Variants in ACYP2 observed in about 807,000 individuals in gnomAD.
ACYP2 encodes acylphosphatase 2.
A neutral mutation model predicts 11.2 loss-of-function variants in ACYP2; 12 were observed. The ratio of observed to expected loss-of-function variants is 1.08; its 90% CI spans 0.69 to 1.74. ACYP2 has a LOEUF of 1.74. ACYP2 is among the 40% of genes most tolerant of loss of function. The probability of loss-of-function intolerance (pLI) is 0.00; values close to 1 mark genes in which losing one functional copy is unlikely to be tolerated. For synonymous variants in ACYP2, 43 were observed against 32.2 expected (o/e 1.33, Z -1.13); for missense variants, 134 against 101.9 (o/e 1.31, Z -1.35).
chr2:54,208,405 A>C (rs1685170766), intron 6 of ACYP2, among the ~76,000 whole-genome samples: 1 of 152,050 alleles, frequency 6.6e-6, no homozygotes, highest in African/African-American at 2.4e-5. Context: ...TTAGCATAGT[A>C]AATGGAGGTT....
At chr2:54,076,575 T>C (rs563874975) in intron 4 of ACYP2, among the ~76,000 whole-genome samples, 53 of 152,358 alleles carry the variant, frequency 3.5e-4, no homozygotes, top group Non-Finnish European at 6.0e-4. Context: ...AAATATTAAC[T>C]AGTCTAGAAG....
chr2:54,216,145 T>C (rs1329858017), intron 6 of ACYP2, among the ~76,000 whole-genome samples: 1 of 152,214 alleles, frequency 6.6e-6, no homozygotes, highest in Non-Finnish European at 1.5e-5. Context: ...CCCCTGCTAA[T>C]TTAAGATGCT....
intron 3 of ACYP2, among the ~76,000 whole-genome samples, chr2:54,053,392 T>C (rs528262924): frequency 6.6e-6 from 1 of 152,250 alleles, no homozygotes; most frequent in South Asian, 2.1e-4. Flanking sequence ...CCTCCCCAGC[T>C]CTCAGTCCCA....
At chr2:54,280,727 A>C (rs2104115209) in intron 6 of ACYP2, among the ~76,000 whole-genome samples, 1 of 152,344 alleles carries the variant, frequency 6.6e-6, no homozygotes, top group South Asian at 2.1e-4. Flanking sequence ...GAGCCGTTTT[A>C]GTGGAGGAGT....
intron 6 of ACYP2, among the ~76,000 whole-genome samples, chr2:54,185,872 T>C (rs1316059402): frequency 6.6e-6 from 1 of 152,042 alleles, no homozygotes; most frequent in African/African-American, 2.4e-5. Context: ...TGTAGGATCG[T>C]CTTGAAGTAT....
intron 2 of ACYP2, among the ~76,000 whole-genome samples, chr2:53,992,022 C>G (rs910881812): frequency 6.6e-5 from 10 of 151,910 alleles, no homozygotes; most frequent in African/African-American, 2.4e-4. Context: ...TCTTGCCCCT[C>G]TTTCCCTCCT....
intron 4 of ACYP2, among the ~76,000 whole-genome samples, chr2:54,093,250 A>T (rs1186272855): frequency 6.6e-6 from 1 of 152,228 alleles, no homozygotes; most frequent in African/African-American, 2.4e-5. Flanking sequence ...ATAAAAATCA[A>T]TATGTAAAGG....
intron 2 of ACYP2, among the ~76,000 whole-genome samples, chr2:53,991,210 G>T (rs1672276200): frequency 6.6e-6 from 1 of 152,172 alleles, no homozygotes; most frequent in Non-Finnish European, 1.5e-5. Context: ...AAATGTTGCT[G>T]AGTAGCATTC....
At position 54,100,150 on chromosome 2, in the gene ACYP2, A is replaced by C. The variant is rs192410307; in HGVS notation, c.278-35303A>C. Among the ~76,000 whole-genome samples, 70 of 150,288 alleles carry C rather than the reference A, an allele frequency of 4.7e-4. 1 individual carries two copies. The East Asian group carries it at 0.013, about 27-fold the overall frequency. ...GTGAATTTATTCCAAAATTGTAAAA[A>C]ATAATAAATGAACATTTACATGTTT... On this transcript the variant is annotated intron_variant, in intron 4 of 6. Coordinates refer to ENST00000607452, the MANE Select transcript of ACYP2 (RefSeq NM_001320586.2).
At chr2:54,247,653 ATAACTT>A (rs1687021648) in intron 6 of ACYP2, among the ~76,000 whole-genome samples, 2 of 152,242 alleles carry the variant, frequency 1.3e-5, no homozygotes, top group Admixed American at 6.5e-5. Flanking sequence ...CACCTGTGTC[ATAACTT>A]TAACATCAAA....
At chr2:54,052,003 CA>C (rs1675889944) in intron 3 of ACYP2, among the ~76,000 whole-genome samples, 1 of 151,600 alleles carries the variant, frequency 6.6e-6, no homozygotes, top group Non-Finnish European at 1.5e-5. Context: ...GCCAAGATCG[CA>C]CCATTGCACT....
At chr2:54,194,413 T>G (rs1487037381) in intron 6 of ACYP2, among the ~76,000 whole-genome samples, 1 of 152,162 alleles carries the variant, frequency 6.6e-6, no homozygotes, top group Non-Finnish European at 1.5e-5. Flanking sequence ...AACATCAATA[T>G]TTGGAAGTGA....
chr2:54,049,895 A>G (rs1675741900), intron 2 of ACYP2, among the ~76,000 whole-genome samples: 1 of 152,120 alleles, frequency 6.6e-6, no homozygotes, highest in Non-Finnish European at 1.5e-5. Flanking sequence ...CAGCCCTAGA[A>G]TCAGTTATTT....
At chr2:54,090,600 C>T (rs952698734) in intron 4 of ACYP2, among the ~76,000 whole-genome samples, 1 of 152,216 alleles carries the variant, frequency 6.6e-6, no homozygotes, top group African/African-American at 2.4e-5. Context: ...CACTGCGCTC[C>T]AGTCTGGGCA....
chr2:54,157,901 T>C (rs1192629106), intron 6 of ACYP2, among the ~76,000 whole-genome samples: 1 of 152,240 alleles, frequency 6.6e-6, no homozygotes, highest in East Asian at 1.9e-4. Flanking sequence ...CAAACAGCCA[T>C]GCACCAGTGC....
intron 2 of ACYP2, among the ~76,000 whole-genome samples, chr2:54,038,176 C>G (rs1675011476): frequency 6.6e-6 from 1 of 152,126 alleles, no homozygotes; most frequent in Non-Finnish European, 1.5e-5. Flanking sequence ...TCTGAGCGTC[C>G]TGATTCAAAC....
intron 4 of ACYP2, among the ~76,000 whole-genome samples, chr2:54,105,321 C>G (rs10173161): frequency 1.3e-5 from 2 of 152,090 alleles, no homozygotes; most frequent in African/African-American, 4.8e-5. Context: ...TTGGGAAACT[C>G]GAGCTTTCTA....
At chr2:54,200,842 A>ATT (rs1558607554) in intron 6 of ACYP2, among the ~76,000 whole-genome samples, 2 of 151,950 alleles carry the variant, frequency 1.3e-5, no homozygotes, top group African/African-American at 4.8e-5. Flanking sequence ...CTGTTTTCCA[A>ATT]AAGTGTCTGT....
At chr2:54,304,570 T>A in intron 6 of ACYP2, 118 bp from the exon 4 acceptor site, 3 of 613,246 alleles carry the variant, frequency 4.9e-6, no homozygotes, top group Non-Finnish European at 5.7e-6. Flanking sequence ...AAATATCACA[T>A]ATATGCAAAA....
Sources: gnomAD v4.1 joint callset for allele counts (sites outside exome capture counted in the v4.1 genomes callset) on GRCh38, gnomAD v4.1.1 for gene constraint, MANE v1.5 for transcripts, NCBI Gene and HGNC (gene_info 2026-07-23, HGNC 2026-07-21) for gene names.